Variants in TNFAIP8L2 observed in about 807,000 individuals in gnomAD.
TNFAIP8L2 encodes the protein TNF alpha induced protein 8 like 2, also known as tumor necrosis factor alpha-induced protein 8-like protein 2.
In TNFAIP8L2, 2 loss-of-function variants were observed where a neutral mutation model predicts 5.6. The ratio of observed to expected loss-of-function variants is 0.36; its 90% CI spans 0.15 to 1.13. TNFAIP8L2 has a LOEUF of 1.13. TNFAIP8L2 is among the 50% of genes most tolerant of loss of function. The probability of loss-of-function intolerance (pLI) is 0.40; values close to 1 mark genes in which losing one functional copy is unlikely to be tolerated. For synonymous variants in TNFAIP8L2, 91 were observed against 101.1 expected (o/e 0.90, Z 0.60); for missense variants, 216 against 241.8 (o/e 0.89, Z 0.71).
rs587719265 is a variant in TNFAIP8L2 at position 151,159,401 on chromosome 1, A to C, written c.*149A>C. 1 of 817,962 alleles carries C rather than the reference A, an allele frequency of 1.2e-6. No individual in the cohort carries two copies. The highest frequency in any genetic ancestry group is 1.7e-5 in the African/African-American group (1 of 57,670). The allele number at this position is 817,962 out of a possible 1,614,324, so 50.7% of individuals were successfully genotyped here. The stretch of plus-strand genomic sequence containing the variant: ...CAAGAGTGCTTTTGACTCTGAGACC[A>C]GCCCACCCCCAAACAGCTAGTGGAG... On this transcript the variant is annotated 3_prime_UTR_variant, in exon 2 of 2. Coordinates refer to ENST00000368910, the MANE Select transcript of TNFAIP8L2 (RefSeq NM_024575.5).
At chr1:151,158,247 C>T (rs1289757026) in intron 1 of TNFAIP8L2, among the ~76,000 whole-genome samples, 4 of 150,706 alleles carry the variant, frequency 2.7e-5, no homozygotes, top group Non-Finnish European at 4.4e-5. Context: ...AGCTTGAACC[C>T]GGGAGGTGGA....
chr1:151,157,492 G>A (rs1350060234), intron 1 of TNFAIP8L2, among the ~76,000 whole-genome samples: 1 of 152,120 alleles, frequency 6.6e-6, no homozygotes, highest in South Asian at 2.1e-4. Context: ...CCACCAAGAG[G>A]GTCCTGAGTT....
rs587617179 is a variant in TNFAIP8L2 at position 151,158,467 on chromosome 1, C to G, written c.-32-199C>G. Reference sequence around the variant, plus strand: ...CTCCAGCCGGGGCTATCGCCACTCCCGTGGGCTGTTTTGGAGTCAAGATTT... The same window carrying G: ...CTCCAGCCGGGGCTATCGCCACTCCGGTGGGCTGTTTTGGAGTCAAGATTT... On this transcript the variant is annotated intron_variant, in intron 1 of 1. Coordinates refer to ENST00000368910, the MANE Select transcript of TNFAIP8L2 (RefSeq NM_024575.5). Among the ~76,000 whole-genome samples, 22 of 152,158 alleles carry G rather than the reference C, an allele frequency of 1.4e-4. No individual in the cohort carries two copies. The South Asian group carries it at 4.6e-3, about 32-fold the overall frequency.
chr1:151,159,600 A>C lies in TNFAIP8L2; in HGVS notation c.*348A>C. 1 of 271,544 alleles carries C rather than the reference A, an allele frequency of 3.7e-6. No individual in the cohort carries two copies. The highest frequency in any genetic ancestry group is 7.7e-6 in the Non-Finnish European group (1 of 129,334). 16.8% of individuals were successfully genotyped at this position (271,544 alleles called of 1,614,324 possible). A position where few individuals can be genotyped will look rare whatever the true frequency, so the allele number is the denominator to read the frequency against. On this transcript the variant is annotated 3_prime_UTR_variant, in exon 2 of 2. Transcript: ENST00000368910. ...AAGGAAAGGAGGCACAGCCCAGAGA[A>C]CCCCTTTGGGGATACTAAAGACAGA...
intron 1 of TNFAIP8L2, among the ~76,000 whole-genome samples, chr1:151,157,937 T>C (rs988569247): frequency 1.3e-5 from 2 of 152,190 alleles, no homozygotes; most frequent in Admixed American, 6.5e-5. Context: ...TTACTTAATG[T>C]AAGTATCATT....
rs1394414720 is a variant in TNFAIP8L2 at position 151,158,666 on chromosome 1, T to C, written c.-32T>C. The C allele has an allele frequency of 6.5e-7, 1 of 1,528,612 alleles. No homozygotes were observed. Among genetic ancestry groups the C allele is most frequent in the Non-Finnish European group, 8.8e-7 (1 of 1,135,020 alleles). 94.7% of individuals were successfully genotyped at this position (1,528,612 alleles called of 1,614,324 possible). A position where few individuals can be genotyped will look rare whatever the true frequency, so the allele number is the denominator to read the frequency against. On this transcript the variant is annotated splice_region_variant and 5_prime_UTR_variant, in exon 2 of 2. Transcript: ENST00000368910. ...AGGAAGCCTGTGGCCTTTCTTCTAG[T>C]GACTGACCACATACCCCACTCTCCA...
In TNFAIP8L2 at chr1:151,159,135, G is replaced by A. The variant is rs757748340; in HGVS notation, c.438G>A (p.Val146=). ...TPKSHGRIRH[V]FDHFSDPGLL... ...AGTCACATGGCCGCATCCGCCACGT[G>A]TTTGATCACTTCTCTGACCCAGGTC... Residue 146 remains valine, a synonymous_variant, in exon 2 of 2, where the codon GTG becomes GTA. Transcript: ENST00000368910. 1 of 1,614,068 alleles carries A rather than the reference G, an allele frequency of 6.2e-7. No homozygotes were observed. The highest frequency in any genetic ancestry group is 8.5e-7 in the Non-Finnish European group (1 of 1,180,058).
chr1:151,157,535 G>GC (rs1299244028), intron 1 of TNFAIP8L2, among the ~76,000 whole-genome samples: 1 of 152,176 alleles, frequency 6.6e-6, no homozygotes, highest in Non-Finnish European at 1.5e-5. Context: ...CTTCAGGACT[G>GC]CCTGCCCTTC....
rs1289556727 is a variant in TNFAIP8L2 at position 151,159,110 on chromosome 1, A to C, written c.413A>C (p.Lys138Thr). Residue 138 changes from lysine (K) to threonine (T), a missense_variant, in exon 2 of 2, where the codon AAG becomes ACG. Coordinates refer to ENST00000368910, the MANE Select transcript of TNFAIP8L2 (RefSeq NM_024575.5). ...LELVEHHLTP[K>T]SHGRIRHVFD... is the part of the protein sequence containing the mutation. ...TTGGTGGAACACCACCTCACGCCCA[A>C]GTCACATGGCCGCATCCGCCACGTG... 1.2e-6 allele frequency: 2 copies of C among 1,614,154 alleles called. No homozygotes were observed. Among genetic ancestry groups the C allele is most frequent in the South Asian group, 2.2e-5 (2 of 91,092 alleles).
rs748106478 is a variant in TNFAIP8L2, at chr1:151,159,238, G to A, written c.541G>A (p.Glu181Lys). The change falls in exon 2 of 2, where the codon GAA becomes AAA. Residue 181 changes from glutamate to lysine, a missense_variant. Physicochemically the swap from Glu to Lys is moderately conservative, Grantham distance 56. Coordinates refer to ENST00000368910, the MANE Select transcript of TNFAIP8L2 (RefSeq NM_024575.5). ...TGACGGACTCAGGAAGCTGCTAGAC[G>A]AAGGGAAGCTCTGAGAGCCCTGAGC... Reference protein sequence around the residue: ...ICDGLRKLLDEGKL With the variant: ...ICDGLRKLLDKGKL The A allele has an allele frequency of 2.0e-5, 33 of 1,611,830 alleles. No individual in the cohort carries two copies. Among genetic ancestry groups the A allele is most frequent in the South Asian group, 3.3e-5 (3 of 90,944 alleles).
chr1:151,156,836 T>C (rs1400991785), intron 1 of TNFAIP8L2, 114 bp downstream of exon 1: 3 of 152,282 alleles, frequency 2.0e-5, no homozygotes, highest in Admixed American at 6.5e-5. Context: ...TGTACAATTC[T>C]TGGGTCCTTT....
rs587595300 is a variant in TNFAIP8L2 at position 151,159,155 on chromosome 1, C to T, written c.458C>T (p.Pro153Leu). ...CACGTGTTTGATCACTTCTCTGACCCAGGTCTGCTCACGGCCCTCTATGGG... is the reference window on the plus strand; with the variant it reads ...CACGTGTTTGATCACTTCTCTGACCTAGGTCTGCTCACGGCCCTCTATGGG... The part of the protein sequence containing the change: ...IRHVFDHFSD[P>L]GLLTALYGPD... Residue 153 changes from proline to leucine, a missense_variant, in exon 2 of 2, where the codon CCA (proline) becomes CTA (leucine). Transcript: ENST00000368910. 1 of 1,614,210 alleles carries T rather than the reference C, an allele frequency of 6.2e-7. No homozygotes were observed. Among genetic ancestry groups the T allele is most frequent in the Admixed American group, 1.7e-5 (1 of 60,024 alleles).
chr1:151,157,935 T>A (rs1480700895), intron 1 of TNFAIP8L2, among the ~76,000 whole-genome samples: 1 of 152,218 alleles, frequency 6.6e-6, no homozygotes, highest in Non-Finnish European at 1.5e-5. Flanking sequence ...AATTACTTAA[T>A]GTAAGTATCA....
intron 1 of TNFAIP8L2, among the ~76,000 whole-genome samples, chr1:151,158,247 CG>C (rs1422589848): frequency 6.6e-6 from 1 of 150,706 alleles, no homozygotes; most frequent in Non-Finnish European, 1.5e-5. Flanking sequence ...AGCTTGAACC[CG>C]GGAGGTGGAG....
intron 1 of TNFAIP8L2, among the ~76,000 whole-genome samples, chr1:151,158,318 G>C (rs1325132893): frequency 7.0e-6 from 1 of 141,864 alleles, no homozygotes; most frequent in Admixed American, 7.1e-5. Context: ...GCAAGACTCC[G>C]TCTCAAAAAA....
rs1683364644 is a variant in TNFAIP8L2 at position 151,159,737 on chromosome 1, C to T, written c.*485C>T. The T allele has an allele frequency of 3.3e-5, 6 of 179,196 alleles. No homozygotes were observed. Among genetic ancestry groups the T allele is most frequent in the East Asian group, 1.7e-4 (1 of 5,958 alleles). The allele number at this position is 179,196 out of a possible 1,614,324, so 11.1% of individuals were successfully genotyped here. On this transcript the variant is annotated 3_prime_UTR_variant, in exon 2 of 2. Coordinates refer to ENST00000368910, the MANE Select transcript of TNFAIP8L2 (RefSeq NM_024575.5). Reference sequence around the variant, plus strand: ...GGAGATTCTCATAGGGGAAATAAAACTACTAAAATATGCACAGGGCTCAAT... The same window carrying T: ...GGAGATTCTCATAGGGGAAATAAAATTACTAAAATATGCACAGGGCTCAAT...
Position 151,158,705 on chromosome 1 carries a change from C to A in TNFAIP8L2, c.8C>A (p.Ser3Tyr), listed in dbSNP as rs1683317370. MESFSSKSLALQA... is the reference protein window; with the variant it reads MEYFSSKSLALQA... ...CCCCACTCTCCAGGACCCATGGAGT[C>A]CTTCAGCTCAAAGAGCCTGGCACTG... is the stretch of plus-strand genomic sequence containing the variant. The change falls in exon 2 of 2, where the codon TCC (serine) becomes TAC (tyrosine). Residue 3 changes from serine to tyrosine, a missense_variant. Physicochemically the swap from Ser to Tyr is moderately radical, Grantham distance 144. Coordinates refer to ENST00000368910, the MANE Select transcript of TNFAIP8L2 (RefSeq NM_024575.5). 1 of 1,599,546 alleles carries A rather than the reference C, an allele frequency of 6.3e-7. No individual in the cohort carries two copies. Among genetic ancestry groups the A allele is most frequent in the East Asian group, 2.2e-5 (1 of 44,722 alleles).
At chr1:151,158,098 G>A (rs1320468432) in intron 1 of TNFAIP8L2, among the ~76,000 whole-genome samples, 1 of 152,164 alleles carries the variant, frequency 6.6e-6, no homozygotes, top group Admixed American at 6.5e-5. Context: ...GCCGAGGTGG[G>A]CAGATCATGA....
rs903122521 is a variant in TNFAIP8L2, at chr1:151,159,473, G to A, written c.*221G>A. 2 of 538,678 alleles carry A rather than the reference G, an allele frequency of 3.7e-6. No homozygotes were observed. The highest frequency in any genetic ancestry group is 6.8e-6 in the Non-Finnish European group (2 of 292,234). The allele number at this position is 538,678 out of a possible 1,614,324, so 33.4% of individuals were successfully genotyped here. A position where few individuals can be genotyped will look rare whatever the true frequency, so the allele number is the denominator to read the frequency against. ...AGGCCTCTCTCCCACTCCAGCCCCA[G>A]GACAGGAAACAGAACTGCCTGAAAA... is the stretch of plus-strand genomic sequence containing the variant. On this transcript the variant is annotated 3_prime_UTR_variant, in exon 2 of 2. Coordinates refer to ENST00000368910, the MANE Select transcript of TNFAIP8L2 (RefSeq NM_024575.5).
Sources: allele counts gnomAD v4.1 joint callset (sites outside exome capture counted in the v4.1 genomes callset), GRCh38; gene constraint gnomAD v4.1.1; transcripts MANE v1.5; gene names NCBI Gene and HGNC (gene_info 2026-07-23, HGNC 2026-07-21).